Variants in PTPRG observed in about 807,000 individuals in gnomAD.
The protein encoded by PTPRG is receptor-type tyrosine-protein phosphatase gamma.
A neutral mutation model predicts 165.3 loss-of-function variants in PTPRG; 102 were observed. The ratio of observed to expected loss-of-function variants is 0.62; its 90% CI spans 0.53 to 0.73. The LOEUF is 0.73. Ranked by LOEUF, PTPRG falls within the 30% of genes least tolerant of loss-of-function variation. PTPRG has a pLI of 0.00. For synonymous variants in PTPRG, 675 were observed against 669.5 expected (o/e 1.01, Z -0.13); for missense variants, 1,866 against 1,861.4 (o/e 1.00, Z -0.05).
chr3:61,966,790 C>T (rs2040282893), intron 2 of PTPRG, among the ~76,000 whole-genome samples: 1 of 152,180 alleles, frequency 6.6e-6, no homozygotes, highest in South Asian at 2.1e-4. Context: ...AGAAGCGGAT[C>T]TAGTTGGATT....
intron 1 of PTPRG, among the ~76,000 whole-genome samples, chr3:61,623,733 G>A (rs962532953): frequency 6.6e-6 from 1 of 152,174 alleles, no homozygotes; most frequent in Non-Finnish European, 1.5e-5. Context: ...TAATTGAAAA[G>A]GAGCAATTAA....
intron 4 of PTPRG, among the ~76,000 whole-genome samples, chr3:62,062,156 G>A (rs988050109): frequency 2.6e-5 from 4 of 152,008 alleles, no homozygotes; most frequent in African/African-American, 9.7e-5. Flanking sequence ...AAAATTAGCT[G>A]GGCGTGGTGG....
At chr3:61,665,575 T>C (rs1702790075) in intron 1 of PTPRG, among the ~76,000 whole-genome samples, 1 of 151,962 alleles carries the variant, frequency 6.6e-6, no homozygotes, top group Non-Finnish European at 1.5e-5. Context: ...TTGTAATTCC[T>C]GCACTTTGGG....
At chr3:61,721,270 T>C (rs1351468777) in intron 1 of PTPRG, among the ~76,000 whole-genome samples, 1 of 152,314 alleles carries the variant, frequency 6.6e-6, no homozygotes, top group African/African-American at 2.4e-5. Context: ...TTAAGTAATA[T>C]AGTATCATCA....
At chr3:62,000,111 T>A (rs2041134830) in intron 3 of PTPRG, among the ~76,000 whole-genome samples, 1 of 152,046 alleles carries the variant, frequency 6.6e-6, no homozygotes, top group Admixed American at 6.6e-5. Context: ...GAGACCAGCC[T>A]GGCTAACATG....
At chr3:62,126,163 C>T (rs894621716) in intron 5 of PTPRG, among the ~76,000 whole-genome samples, 14 of 152,182 alleles carry the variant, frequency 9.2e-5, no homozygotes, top group South Asian at 8.3e-4. Flanking sequence ...TGTCACCCTG[C>T]GGGGATTGGT....
At chr3:61,664,595 A>G (rs2107039572) in intron 1 of PTPRG, among the ~76,000 whole-genome samples, 2 of 152,332 alleles carry the variant, frequency 1.3e-5, no homozygotes, top group South Asian at 4.1e-4. Context: ...TTGGGAAGCC[A>G]AGGCTGGTAG....
chr3:62,286,582 C>A (rs1336231218), intron 28 of PTPRG, among the ~76,000 whole-genome samples: 2 of 151,482 alleles, frequency 1.3e-5, no homozygotes, highest in Non-Finnish European at 2.9e-5. Flanking sequence ...CATTACTGTA[C>A]TTCAGGAGCT....
chr3:62,091,136 T>C (rs199953188), intron 5 of PTPRG, among the ~76,000 whole-genome samples: 2 of 152,232 alleles, frequency 1.3e-5, no homozygotes, highest in East Asian at 3.9e-4. Context: ...GAACCATTAC[T>C]TCCCCATACC....
chr3:61,853,874 G>T (rs1460770896), intron 2 of PTPRG, among the ~76,000 whole-genome samples: 2 of 152,206 alleles, frequency 1.3e-5, no homozygotes, highest in Non-Finnish European at 1.5e-5. Flanking sequence ...CATGACCCAG[G>T]TCTGGTCATT....
chr3:62,235,634 G>A (rs1701014688), intron 14 of PTPRG, among the ~76,000 whole-genome samples: 1 of 152,176 alleles, frequency 6.6e-6, no homozygotes, highest in Non-Finnish European at 1.5e-5. Flanking sequence ...TCCTAAAGAT[G>A]TTAATTGCAG....
intron 1 of PTPRG, among the ~76,000 whole-genome samples, chr3:61,641,008 C>T (rs1702044234): frequency 6.6e-6 from 1 of 152,154 alleles, no homozygotes; most frequent in South Asian, 2.1e-4. Context: ...GGAGAAGATT[C>T]TTCGAGCTTC....
chr3:61,925,357 C>T (rs949420578), intron 2 of PTPRG, among the ~76,000 whole-genome samples: 6 of 152,170 alleles, frequency 3.9e-5, no homozygotes, highest in Non-Finnish European at 7.3e-5. Flanking sequence ...CTCATGGAGC[C>T]TGGCCTTACA....
At chr3:62,127,176 GATCTCTT>G (rs1039288296) in intron 5 of PTPRG, among the ~76,000 whole-genome samples, 2 of 152,214 alleles carry the variant, frequency 1.3e-5, no homozygotes, top group African/African-American at 4.8e-5. Flanking sequence ...GCCAGGCAGT[GATCTCTT>G]TCTGGGTAAG....
At chr3:62,040,395 C>G (rs781466155) in intron 4 of PTPRG, among the ~76,000 whole-genome samples, 8 of 152,178 alleles carry the variant, frequency 5.3e-5, no homozygotes, top group Non-Finnish European at 1.0e-4. Context: ...CACTGAAGCT[C>G]TCTAAGACAG....
At chr3:62,116,673 AG>A (rs1453166089) in intron 5 of PTPRG, among the ~76,000 whole-genome samples, 2 of 152,164 alleles carry the variant, frequency 1.3e-5, no homozygotes, top group African/African-American at 4.8e-5. Context: ...CATCTGGCTG[AG>A]GTTGCATGGG....
chr3:62,019,294 G>T (rs1439652914), intron 4 of PTPRG, among the ~76,000 whole-genome samples: 1 of 152,148 alleles, frequency 6.6e-6, no homozygotes, highest in East Asian at 1.9e-4. Context: ...GGCCAAGGTG[G>T]GTGGATTGCT....
At chr3:62,277,477 G>A (rs1406767201) in intron 25 of PTPRG, 74 bp from the exon 26 acceptor site, 1 of 1,497,304 alleles carries the variant, frequency 6.7e-7, no homozygotes, top group Non-Finnish European at 9.1e-7. Flanking sequence ...CTTATTTCAT[G>A]AATATATTTT....
intron 6 of PTPRG, among the ~76,000 whole-genome samples, chr3:62,146,652 C>T (rs927611804): frequency 6.6e-6 from 1 of 151,482 alleles, no homozygotes; most frequent in Non-Finnish European, 1.5e-5. Flanking sequence ...AAAAATACGC[C>T]GCCCTCATAT....
Sources: gnomAD v4.1 joint callset for allele counts (sites outside exome capture counted in the v4.1 genomes callset) on GRCh38, gnomAD v4.1.1 for gene constraint, MANE v1.5 for transcripts, NCBI Gene and HGNC (gene_info 2026-07-23, HGNC 2026-07-21) for gene names.